Variants in CPT1A observed in about 807,000 individuals in gnomAD.
CPT1A encodes the protein carnitine O-palmitoyltransferase 1, liver isoform.
In CPT1A, 64 loss-of-function variants were observed where a neutral mutation model predicts 100.8. That is an observed-to-expected ratio of 0.63 (90% confidence interval 0.52 to 0.78). The LOEUF (loss-of-function observed/expected upper bound fraction) is 0.78. Ranked by LOEUF, CPT1A falls within the 30% of genes least tolerant of loss-of-function variation. The pLI is 0.00. For synonymous variants in CPT1A, 363 were observed against 396.0 expected (o/e 0.92, Z 0.99); for missense variants, 802 against 1,034.1 (o/e 0.78, Z 3.08).
intron 4 of CPT1A, among the ~76,000 whole-genome samples, 172 bp from the exon 5 acceptor site, chr11:68,804,273 G>A (rs1248577301): frequency 1.3e-5 from 2 of 152,150 alleles, no homozygotes; most frequent in Admixed American, 6.5e-5. Context: ...TTTCCCGTGC[G>A]CACAATGTGC....
chr11:68,758,148 G>A (rs1435922028), intron 18 of CPT1A, among the ~76,000 whole-genome samples: 1 of 152,030 alleles, frequency 6.6e-6, no homozygotes, highest in Non-Finnish European at 1.5e-5. Flanking sequence ...CTCCCCTATA[G>A]TCCCAGCTAC....
chr11:68,792,429 G>C (rs1298496510), intron 9 of CPT1A, among the ~76,000 whole-genome samples: 10 of 152,236 alleles, frequency 6.6e-5, no homozygotes, highest in African/African-American at 2.4e-4. Context: ...ATACAGGCCT[G>C]CCATGATGGT....
At chr11:68,789,748 T>A (rs1012803224) in intron 9 of CPT1A, among the ~76,000 whole-genome samples, 5 of 152,220 alleles carry the variant, frequency 3.3e-5, no homozygotes, top group Admixed American at 2.6e-4. Context: ...AATGCTTTTC[T>A]ATAACTCCTT....
At chr11:68,823,658 G>A (rs1312059253) in intron 1 of CPT1A, among the ~76,000 whole-genome samples, 1 of 151,902 alleles carries the variant, frequency 6.6e-6, no homozygotes, top group Non-Finnish European at 1.5e-5. Flanking sequence ...GCATGGTGGT[G>A]CATGCCTGTA....
At chr11:68,764,122 T>C (rs986822578) in intron 14 of CPT1A, among the ~76,000 whole-genome samples, 12 of 152,158 alleles carry the variant, frequency 7.9e-5, no homozygotes, top group African/African-American at 2.9e-4. Flanking sequence ...GGGCCCCTGC[T>C]GGGAATAGCA....
At chr11:68,806,913 A>G (rs536123522) in intron 4 of CPT1A, among the ~76,000 whole-genome samples, 47 of 152,258 alleles carry the variant, frequency 3.1e-4, no homozygotes, top group African/African-American at 1.1e-3. Flanking sequence ...CTGGGCAACA[A>G]GAGTGAAACT....
At chr11:68,822,969 GT>G (rs551426610) in intron 1 of CPT1A, among the ~76,000 whole-genome samples, 120 of 152,278 alleles carry the variant, frequency 7.9e-4, no homozygotes, top group African/African-American at 2.7e-3. Flanking sequence ...GGAGTTGGGG[GT>G]ATCTTCTTAG....
chr11:68,822,545 A>G (rs559596658), intron 1 of CPT1A, among the ~76,000 whole-genome samples: 6 of 152,170 alleles, frequency 3.9e-5, no homozygotes, highest in Non-Finnish European at 7.4e-5. Flanking sequence ...AAAAAAAAAG[A>G]AAATTGTAGA....
chr11:68,770,639 C>T (rs1368896111), intron 14 of CPT1A, among the ~76,000 whole-genome samples: 2 of 152,204 alleles, frequency 1.3e-5, no homozygotes, highest in Non-Finnish European at 2.9e-5. Context: ...AACTCACTAT[C>T]TAGGCTCTTC....
chr11:68,762,896 GC>G, intron 14 of CPT1A, 135 bp from the exon 15 acceptor site: 1 of 1,104,482 alleles, frequency 9.1e-7, no homozygotes, highest in Non-Finnish European at 1.3e-6. Context: ...TCTTGCTGTT[GC>G]CCAGGCTGGC....
chr11:68,781,805 C>T lies in CPT1A; in HGVS notation c.1318G>A (p.Ala440Thr), dbSNP rs1425369664. 1.2e-6 allele frequency: 2 copies of T among 1,614,126 alleles called. No individual in the cohort carries two copies. The highest frequency in any genetic ancestry group is 1.7e-6 in the Non-Finnish European group (2 of 1,180,032). ...CATCGGCCGTGTAGTAGAGATTTGG[C>T]GTAGCTGTCCATTGACGTATCCGGG... is the stretch of plus-strand genomic sequence containing the variant. Reference protein sequence around the residue: ...EDPDTSMDSYAKSLLHGRCYD... With the variant: ...EDPDTSMDSYTKSLLHGRCYD... Residue 440 changes from alanine to threonine, a missense_variant, in exon 11 of 19, where the codon GCC becomes ACC. By Grantham distance (58) the Ala-to-Thr change is moderately conservative. Transcript: ENST00000265641.
At position 68,799,585 on chromosome 11, in the gene CPT1A, C is replaced by CA. The variant is rs369542198; in HGVS notation, c.556-231dup. ...ACAACATGGTGAAACCCCATCTCTA[C>CA]AAAAAAAAACAAGACAAAAATTAGC... On this transcript the variant is annotated intron_variant, in intron 5 of 18. Coordinates refer to ENST00000265641, the MANE Select transcript of CPT1A (RefSeq NM_001876.4). Among the ~76,000 whole-genome samples the CA allele has an allele frequency of 2.4e-3, 356 of 149,932 alleles. 2 individuals are homozygous for CA. Among genetic ancestry groups the CA allele is most frequent in the East Asian group, 8.0e-3 (41 of 5,128 alleles).
intron 1 of CPT1A, among the ~76,000 whole-genome samples, chr11:68,825,231 C>A (rs1404534375): frequency 6.6e-6 from 1 of 152,248 alleles, no homozygotes; most frequent in East Asian, 1.9e-4. Context: ...CTCTTCTACG[C>A]ACATTTGAGA....
intron 14 of CPT1A, among the ~76,000 whole-genome samples, chr11:68,770,585 C>T (rs1266471506): frequency 6.6e-6 from 1 of 152,218 alleles, no homozygotes. Context: ...GAGCTCTTAT[C>T]AGGAATGGAT....
intron 1 of CPT1A, among the ~76,000 whole-genome samples, chr11:68,831,014 A>G (rs11822229): frequency 7.9e-5 from 12 of 152,212 alleles, no homozygotes; most frequent in African/African-American, 2.7e-4. Context: ...GGAAGGTGAT[A>G]ACACATCTTC....
At chr11:68,774,072 A>G (rs11228346) in intron 13 of CPT1A, among the ~76,000 whole-genome samples, 12,216 of 152,304 alleles carry the variant, frequency 0.08, 604 homozygotes, top group Non-Finnish European at 0.1. Flanking sequence ...CCCTGGACGC[A>G]TGCCAATGTA....
intron 14 of CPT1A, among the ~76,000 whole-genome samples, chr11:68,771,168 C>T (rs1488859268): frequency 6.6e-6 from 1 of 152,216 alleles, no homozygotes; most frequent in African/African-American, 2.4e-5. Flanking sequence ...CTGACAACCT[C>T]TCACTTTGGT....
intron 18 of CPT1A, among the ~76,000 whole-genome samples, chr11:68,758,370 C>T (rs538087063): frequency 1.3e-5 from 2 of 152,302 alleles, no homozygotes; most frequent in African/African-American, 4.8e-5. Context: ...AGGCTATGTA[C>T]GACAAGGAAA....
chr11:68,831,541 G>A (rs1468239873), intron 1 of CPT1A, among the ~76,000 whole-genome samples: 9 of 152,146 alleles, frequency 5.9e-5, no homozygotes, highest in Non-Finnish European at 1.3e-4. Context: ...CAATCAACAC[G>A]TATGGAGATA....
Sources: allele counts gnomAD v4.1 joint callset (sites outside exome capture counted in the v4.1 genomes callset), GRCh38; gene constraint gnomAD v4.1.1; transcripts MANE v1.5; gene names NCBI Gene and HGNC (gene_info 2026-07-23, HGNC 2026-07-21).